The following EBF1 variants were observed in gnomAD, a reference collection of about 807,000 sequenced individuals.
The protein encoded by EBF1 is EBF transcription factor 1, also known as transcription factor COE1.
In EBF1, 10 loss-of-function variants were observed where a neutral mutation model predicts 68.4. The ratio of observed to expected loss-of-function variants is 0.15; its 90% CI spans 0.09 to 0.25. The LOEUF (loss-of-function observed/expected upper bound fraction) is 0.25, where lower values mean the gene tolerates loss of function less well. Ranked by LOEUF, EBF1 falls within the 10% of genes least tolerant of loss-of-function variation. EBF1 has a pLI of 1.00. For missense variants in EBF1, 509 were observed against 794.4 expected (o/e 0.64, Z 4.32); for synonymous variants, 298 against 299.8 (o/e 0.99, Z 0.06).
chr5:159,079,802 A>G (rs941183748), intron 5 of EBF1, among the ~76,000 whole-genome samples: 1 of 151,720 alleles, frequency 6.6e-6, no homozygotes, highest in African/African-American at 2.4e-5. Context: ...TTTGGTAGAG[A>G]TGGGGTTTCA....
chr5:158,793,731 T>C (rs2127736727), intron 9 of EBF1, among the ~76,000 whole-genome samples: 1 of 152,268 alleles, frequency 6.6e-6, no homozygotes, highest in African/African-American at 2.4e-5. Context: ...CTTAAAGTAA[T>C]ACCCATAAAG....
At chr5:158,703,882 G>A (rs1757291755) in intron 15 of EBF1, among the ~76,000 whole-genome samples, 1 of 152,154 alleles carries the variant, frequency 6.6e-6, no homozygotes, top group Non-Finnish European at 1.5e-5. Context: ...TACTTCCACA[G>A]CTGGGTGCCC....
chr5:158,743,432 G>T (rs1047473794), intron 10 of EBF1, among the ~76,000 whole-genome samples: 19 of 152,168 alleles, frequency 1.2e-4, no homozygotes, highest in African/African-American at 4.3e-4. Context: ...TATTGGCCTT[G>T]GTGCCTTGCT....
At chr5:158,866,710 A>C (rs898827914) in intron 6 of EBF1, among the ~76,000 whole-genome samples, 4 of 151,560 alleles carry the variant, frequency 2.6e-5, no homozygotes, top group Admixed American at 1.3e-4. Context: ...TGTCGCCGTT[A>C]ACAAATGATG....
At chr5:158,841,418 C>T (rs6875710) in intron 6 of EBF1, among the ~76,000 whole-genome samples, 57,711 of 152,054 alleles carry the variant, frequency 0.38, 11,147 homozygotes, top group South Asian at 0.58. Flanking sequence ...TCTTTTACTA[C>T]TAGGCCTAGA....
At chr5:158,988,121 A>G (rs1426364391) in intron 6 of EBF1, among the ~76,000 whole-genome samples, 1 of 152,234 alleles carries the variant, frequency 6.6e-6, no homozygotes, top group East Asian at 1.9e-4. Flanking sequence ...GGAATGGATG[A>G]GTGAATGAAT....
intron 4 of EBF1, 30 bp downstream of exon 4, chr5:159,095,590 C>A (rs775204707): frequency 3.1e-6 from 5 of 1,609,034 alleles, no homozygotes; most frequent in South Asian, 1.1e-5. Context: ...TGACATAGAG[C>A]CCCCCGTGGC....
At chr5:158,957,201 C>T (rs1425594592) in intron 6 of EBF1, among the ~76,000 whole-genome samples, 2 of 152,176 alleles carry the variant, frequency 1.3e-5, no homozygotes, top group Non-Finnish European at 2.9e-5. Context: ...AAAACTGAGG[C>T]TTCATAAATT....
At chr5:159,005,371 T>G (rs1345542638) in intron 6 of EBF1, among the ~76,000 whole-genome samples, 1 of 152,180 alleles carries the variant, frequency 6.6e-6, no homozygotes, top group Non-Finnish European at 1.5e-5. Context: ...AAAGATGTGT[T>G]GAGTTGTGGG....
chr5:158,907,514 C>T (rs1404922330), intron 6 of EBF1, among the ~76,000 whole-genome samples: 1 of 151,992 alleles, frequency 6.6e-6, no homozygotes, highest in Non-Finnish European at 1.5e-5. Context: ...ACTGAGATGC[C>T]CCATATAAAA....
At chr5:159,025,212 T>C (rs1039962067) in intron 6 of EBF1, among the ~76,000 whole-genome samples, 3 of 152,218 alleles carry the variant, frequency 2.0e-5, no homozygotes, top group Admixed American at 1.3e-4. Flanking sequence ...TGTGGTGGTT[T>C]ATAACTGCCT....
At chr5:158,872,670 G>A (rs1797086762) in intron 6 of EBF1, among the ~76,000 whole-genome samples, 1 of 152,194 alleles carries the variant, frequency 6.6e-6, no homozygotes, top group Admixed American at 6.5e-5. Context: ...CCACCACCCA[G>A]TGTACAAACA....
intron 10 of EBF1, among the ~76,000 whole-genome samples, chr5:158,777,122 A>C (rs1029260122): frequency 1.3e-5 from 2 of 152,108 alleles, no homozygotes; most frequent in Non-Finnish European, 2.9e-5. Context: ...TAACATCCAG[A>C]AACTCAGGAC....
intron 6 of EBF1, among the ~76,000 whole-genome samples, chr5:158,865,273 T>TA (rs1484068052): frequency 2.0e-5 from 3 of 152,128 alleles, no homozygotes; most frequent in African/African-American, 7.2e-5. Context: ...TCCAAAATGT[T>TA]AGAGGCAGCA....
intron 8 of EBF1, among the ~76,000 whole-genome samples, chr5:158,799,646 A>C (rs1549883): frequency 0.85 from 129,261 of 152,128 alleles, 55,248 homozygotes; most frequent in East Asian, 0.97. Context: ...GCAGCTCAGG[A>C]TCTCAGAACA....
At position 158,958,826 on chromosome 5, in the gene EBF1, A is replaced by G. The variant is rs891082736; in HGVS notation, c.554+114570T>C. 3.9e-5 allele frequency among the ~76,000 whole-genome samples: 6 copies of G among 152,064 alleles called. 1 individual carries two copies. The highest frequency in any genetic ancestry group is 1.5e-5 in the Non-Finnish European group (1 of 68,022). On this transcript the variant is annotated intron_variant, in intron 6 of 15. Coordinates refer to ENST00000313708, the MANE Select transcript of EBF1 (RefSeq NM_024007.5). ...CATTCAAAACTTAACAACACTTCCC[A>G]CGTTCAATGCCATGTGCCGTGCATA...
chr5:158,777,287 T>C, intron 10 of EBF1, 126 bp downstream of exon 10: 1 of 1,136,120 alleles, frequency 8.8e-7, no homozygotes, highest in Non-Finnish European at 1.2e-6. Flanking sequence ...TATGGTAAAA[T>C]GAAGAAAGAA....
intron 8 of EBF1, among the ~76,000 whole-genome samples, chr5:158,818,854 T>C (rs1469622785): frequency 6.6e-6 from 1 of 152,034 alleles, no homozygotes; most frequent in African/African-American, 2.4e-5. Context: ...CATGTTTATA[T>C]TCTAAAAACT....
intron 10 of EBF1, among the ~76,000 whole-genome samples, chr5:158,771,293 T>C (rs1057361583): frequency 2.0e-5 from 3 of 152,136 alleles, no homozygotes; most frequent in Non-Finnish European, 4.4e-5. Flanking sequence ...TTAACCCTTT[T>C]ACTCCTTAGA....
Sources: allele counts gnomAD v4.1 joint callset (sites outside exome capture counted in the v4.1 genomes callset), GRCh38; gene constraint gnomAD v4.1.1; transcripts MANE v1.5; gene names NCBI Gene and HGNC (gene_info 2026-07-23, HGNC 2026-07-21).